The following FAM110C variants were observed in gnomAD, a reference collection of about 807,000 sequenced individuals.
FAM110C encodes the protein family with sequence similarity 110 member C.
Under a neutral mutation model 15.7 loss-of-function variants are expected in FAM110C, and 19 were observed. The observed-to-expected ratio is 1.21, with a 90% confidence interval of 0.85 to 1.78. The LOEUF (loss-of-function observed/expected upper bound fraction) is 1.78, where lower values mean the gene tolerates loss of function less well. FAM110C is among the 40% of genes most tolerant of loss of function. The pLI is 0.00. For synonymous variants in FAM110C, 275 were observed against 233.9 expected (o/e 1.18, Z -1.61); for missense variants, 547 against 495.7 (o/e 1.10, Z -0.98).
Position 41,635 on chromosome 2 carries a change from G to A in FAM110C, c.947-8C>T. On this transcript the variant is annotated splice_polypyrimidine_tract_variant and splice_region_variant and intron_variant, in intron 1 of 1. Transcript: ENST00000327669. ...ATCGGGAAGGTTTGCTTCCTGAGGAGTTAAAGAAAAAATAGTGAATCAACT... is the reference window on the plus strand; with the variant it reads ...ATCGGGAAGGTTTGCTTCCTGAGGAATTAAAGAAAAAATAGTGAATCAACT... 1 of 1,613,026 alleles carries A rather than the reference G, an allele frequency of 6.2e-7. No individual in the cohort carries two copies. Among genetic ancestry groups the A allele is most frequent in the Non-Finnish European group, 8.5e-7 (1 of 1,179,600 alleles).
chr2:42,422 A>T (rs942427816), intron 1 of FAM110C: 1 of 607,292 alleles, frequency 1.6e-6, no homozygotes, highest in African/African-American at 2.0e-5. Flanking sequence ...ATTCTACGCA[A>T]AACAGAAAAC....
At position 44,265 on chromosome 2, in the gene FAM110C, G is replaced by A. The variant is rs945569005; in HGVS notation, c.946+1175C>T. ...TTATAAGGAAGAACTTAAGTCCTGA[G>A]CCTTCTGAGTTCAAGAAAAAGAATG... On this transcript the variant is annotated intron_variant, in intron 1 of 1. Transcript: ENST00000327669. The A allele has an allele frequency of 6.1e-6, 6 of 985,000 alleles. No homozygotes were observed. The African/African-American group carries it at 1.0e-4, about 17-fold the overall frequency. 61.0% of individuals were successfully genotyped at this position (985,000 alleles called of 1,614,324 possible).
chr2:44,904 C>T, intron 1 of FAM110C: 1 of 985,352 alleles, frequency 1.0e-6, no homozygotes, highest in Non-Finnish European at 1.2e-6. Flanking sequence ...AAGTTCTCAC[C>T]ACTTCAGCAC....
chr2:45,877 G>C lies in FAM110C; in HGVS notation c.509C>G (p.Pro170Arg). The change falls in exon 1 of 2, where the codon CCA becomes CGA. Residue 170 changes from proline (P) to arginine (R), a missense_variant. Coordinates refer to ENST00000327669, the MANE Select transcript of FAM110C (RefSeq NM_001077710.3). ...GGAGGGCGCCGCGGACCGCGCGGCT[G>C]GGGCTGGGGTCTCGGGGATTGCGGG... ...ADPAIPETPA[P>R]AARSAAPSSV... 1 of 1,464,344 alleles carries C rather than the reference G, an allele frequency of 6.8e-7. No homozygotes were observed. The highest frequency in any genetic ancestry group is 8.9e-7 in the Non-Finnish European group (1 of 1,120,628). 90.7% of individuals were successfully genotyped at this position (1,464,344 alleles called of 1,614,324 possible). A position where few individuals can be genotyped will look rare whatever the true frequency, so the allele number is the denominator to read the frequency against.
At position 46,322 on chromosome 2, in the gene FAM110C, C is replaced by T; in HGVS notation, c.64G>A (p.Ala22Thr). The change falls in exon 1 of 2, where the codon GCT becomes ACT. Residue 22 changes from alanine (A) to threonine (T), a missense_variant. Transcript: ENST00000327669. Reference sequence around the variant, plus strand: ...CGCGCGGCGTCGGGGTCCCGGGTAGCCGCGGGGTCCCGGGGAAGGAGCCGC... The same window carrying T: ...CGCGCGGCGTCGGGGTCCCGGGTAGTCGCGGGGTCCCGGGGAAGGAGCCGC... ...NERLLPRDPAATRDPDAARPA... is the reference protein window; with the variant it reads ...NERLLPRDPATTRDPDAARPA... 7.5e-7 allele frequency: 1 copy of T among 1,326,386 alleles called. No individual in the cohort carries two copies. 82.2% of individuals were successfully genotyped at this position (1,326,386 alleles called of 1,614,324 possible). A position where few individuals can be genotyped will look rare whatever the true frequency, so the allele number is the denominator to read the frequency against.
intron 1 of FAM110C, chr2:44,537 A>G: frequency 1.0e-6 from 1 of 985,424 alleles, no homozygotes; most frequent in Non-Finnish European, 1.2e-6. Flanking sequence ...AGGAAAAAAA[A>G]GATGTCGCAA....
In FAM110C at chr2:45,566, C is replaced by T. The variant is rs761649853; in HGVS notation, c.820G>A (p.Glu274Lys). ...CTGGGCACCTGCTCTATCAGCTCCT[C>T]CTCCTGCAGCCCCTCGTCGTCGCCG... is the stretch of plus-strand genomic sequence containing the variant. ...SGGDDEGLQE[E>K]ELIEQVPSTT... is the part of the protein sequence containing the mutation. Residue 274 changes from glutamate (E) to lysine (K), a missense_variant, in exon 1 of 2, where the codon GAG becomes AAG. Coordinates refer to ENST00000327669, the MANE Select transcript of FAM110C (RefSeq NM_001077710.3). The T allele has an allele frequency of 2.4e-5, 39 of 1,613,750 alleles. No homozygotes were observed. In the South Asian group the frequency reaches 4.0e-4, roughly 16 times the overall value.
At position 45,717 on chromosome 2, in the gene FAM110C, G is replaced by A. The variant is rs774869048; in HGVS notation, c.669C>T (p.Gly223=). The A allele has an allele frequency of 1.8e-5, 29 of 1,601,714 alleles. No individual in the cohort carries two copies. The highest frequency in any genetic ancestry group is 8.5e-6 in the Non-Finnish European group (10 of 1,175,232). The change falls in exon 1 of 2, where the codon GGC becomes GGT. Residue 223 remains glycine, a synonymous_variant. Coordinates refer to ENST00000327669, the MANE Select transcript of FAM110C (RefSeq NM_001077710.3). ...AESDTFFQYC[G]LDPEVVEALG... ...GGGCCTCCACCACCTCGGGGTCCAG[G>A]CCGCAGTACTGGAAGAAGGTGTCAG...
At chr2:44,439 C>A in intron 1 of FAM110C, 1 of 985,398 alleles carries the variant, frequency 1.0e-6, no homozygotes, top group South Asian at 4.7e-5. Flanking sequence ...TGCCATGCAT[C>A]TTCACTTAGT....
At position 46,387 on chromosome 2, in the gene FAM110C, T is replaced by C; in HGVS notation, c.-2A>G. On this transcript the variant is annotated 5_prime_UTR_variant, in exon 1 of 2. Coordinates refer to ENST00000327669, the MANE Select transcript of FAM110C (RefSeq NM_001077710.3). ...GCTCAGGGCCGCCAGGGCGCGCATC[T>C]TCGCGGGGAATGGACCGACCGGGGT... 2.4e-6 allele frequency: 3 copies of C among 1,275,938 alleles called. No individual in the cohort carries two copies. The highest frequency in any genetic ancestry group is 3.0e-6 in the Non-Finnish European group (3 of 1,013,020). 79.0% of individuals were successfully genotyped at this position (1,275,938 alleles called of 1,614,324 possible). A position where few individuals can be genotyped will look rare whatever the true frequency, so the allele number is the denominator to read the frequency against.
In FAM110C at chr2:39,542, G is replaced by A. The variant is rs946854777; in HGVS notation, c.*2066C>T. 3.3e-5 allele frequency: 5 copies of A among 152,154 alleles called. No individual in the cohort carries two copies. Among genetic ancestry groups the A allele is most frequent in the African/African-American group, 1.2e-4 (5 of 41,422 alleles). The allele number at this position is 152,154 out of a possible 1,614,324, so 9.4% of individuals were successfully genotyped here. On this transcript the variant is annotated 3_prime_UTR_variant, in exon 2 of 2. Coordinates refer to ENST00000327669, the MANE Select transcript of FAM110C (RefSeq NM_001077710.3). Reference sequence around the variant, plus strand: ...GAGTCTGATGCCACCCAGTTCCCCTGTTCTTCATGCCCCGTTTCTGATATC... The same window carrying A: ...GAGTCTGATGCCACCCAGTTCCCCTATTCTTCATGCCCCGTTTCTGATATC...
At position 39,913 on chromosome 2, in the gene FAM110C, C is replaced by T. The variant is rs138791936; in HGVS notation, c.*1695G>A. 7.2e-5 allele frequency: 11 copies of T among 152,316 alleles called. No homozygotes were observed. In the East Asian group the frequency reaches 2.1e-3, roughly 29 times the overall value. 9.4% of individuals were successfully genotyped at this position (152,316 alleles called of 1,614,324 possible). A position where few individuals can be genotyped will look rare whatever the true frequency, so the allele number is the denominator to read the frequency against. On this transcript the variant is annotated 3_prime_UTR_variant, in exon 2 of 2. Coordinates refer to ENST00000327669, the MANE Select transcript of FAM110C (RefSeq NM_001077710.3). ...ATCTTCTTTTTAACTAAGTGCAATA[C>T]AGTGAACAGCAAAATAGCAGCATTT... is the stretch of plus-strand genomic sequence containing the variant.
In FAM110C at chr2:45,948, G is replaced by A. The variant is rs1361957136; in HGVS notation, c.438C>T (p.Ala146=). ...TGGTCGGGACCGTCTCCGGGTTCCC[G>A]GCCTTGCCCTCGTCTCCCGTCCGGG... ...PVPRTGDEGK[A]GNPETVPTTP... The change falls in exon 1 of 2, where the codon GCC becomes GCT. Residue 146 remains alanine (A), a synonymous_variant. Transcript: ENST00000327669. 6 of 1,428,616 alleles carry A rather than the reference G, an allele frequency of 4.2e-6. No individual in the cohort carries two copies. The Admixed American group carries it at 1.2e-4, about 28-fold the overall frequency. The allele number at this position is 1,428,616 out of a possible 1,614,324, so 88.5% of individuals were successfully genotyped here.
At position 46,036 on chromosome 2, in the gene FAM110C, C is replaced by T. The variant is rs768563535; in HGVS notation, c.350G>A (p.Gly117Asp). Residue 117 changes from glycine to aspartate, a missense_variant, in exon 1 of 2, where the codon GGC (glycine) becomes GAC (aspartate). Coordinates refer to ENST00000327669, the MANE Select transcript of FAM110C (RefSeq NM_001077710.3). Reference protein sequence around the residue: ...CEFVRGSGADGPRASLVKKLF... With the variant: ...CEFVRGSGADDPRASLVKKLF... ...CTTCTTCACCAGGCTTGCCCTGGGG[C>T]CGTCGGCGCCCGATCCTCGCACGAA... is the stretch of plus-strand genomic sequence containing the variant. 4 of 1,513,072 alleles carry T rather than the reference C, an allele frequency of 2.6e-6. No individual in the cohort carries two copies. The highest frequency in any genetic ancestry group is 3.5e-6 in the Non-Finnish European group (4 of 1,136,882). The allele number at this position is 1,513,072 out of a possible 1,614,324, so 93.7% of individuals were successfully genotyped here.
At chr2:42,773 A>T in intron 1 of FAM110C, 1 of 946,172 alleles carries the variant, frequency 1.1e-6, no homozygotes, top group Non-Finnish European at 1.3e-6. Context: ...AAAACCTCCA[A>T]ATATATTTGT....
chr2:42,600 C>A (rs1001957273), intron 1 of FAM110C, among the ~76,000 whole-genome samples: 34 of 152,284 alleles, frequency 2.2e-4, no homozygotes, highest in African/African-American at 7.5e-4. Context: ...CCCCAGAGGA[C>A]TTGTGTGCGG....
chr2:45,417 C>A (rs780520089), intron 1 of FAM110C, 23 bp downstream of exon 1: 5 of 1,587,818 alleles, frequency 3.1e-6, no homozygotes, highest in Non-Finnish European at 3.4e-6. Flanking sequence ...GCCAGCCCCG[C>A]CCCCAGCCTT....
At chr2:42,898 T>A (rs936187617) in intron 1 of FAM110C, 2 of 985,364 alleles carry the variant, frequency 2.0e-6, no homozygotes, top group African/African-American at 3.5e-5. Context: ...CTTAAATTCC[T>A]GCTTCCACAT....
chr2:46,095 C>A lies in FAM110C; in HGVS notation c.291G>T (p.Pro97=). ...RRAIARKPLR[P]DSLIIYRQKC... Reference sequence around the variant, plus strand: ...TCTGCCGGTAGATGATCAGCGAGTCCGGTCTCAACGGCTTCCGCGCAATAG... The same window carrying A: ...TCTGCCGGTAGATGATCAGCGAGTCAGGTCTCAACGGCTTCCGCGCAATAG... Residue 97 remains proline (P), a synonymous_variant, in exon 1 of 2, where the codon CCG becomes CCT. Coordinates refer to ENST00000327669, the MANE Select transcript of FAM110C (RefSeq NM_001077710.3). The A allele has an allele frequency of 6.6e-7, 1 of 1,511,096 alleles. No homozygotes were observed. Among genetic ancestry groups the A allele is most frequent in the Non-Finnish European group, 8.8e-7 (1 of 1,137,530 alleles). 93.6% of individuals were successfully genotyped at this position (1,511,096 alleles called of 1,614,324 possible).
Sources: gnomAD v4.1 joint callset for allele counts (sites outside exome capture counted in the v4.1 genomes callset) on GRCh38, gnomAD v4.1.1 for gene constraint, MANE v1.5 for transcripts, NCBI Gene and HGNC (gene_info 2026-07-23, HGNC 2026-07-21) for gene names.